Variants in PTGER3 observed in about 807,000 individuals in gnomAD.
PTGER3 encodes the protein prostaglandin E2 receptor EP3 subtype.
PTGER3 carries 22 observed loss-of-function variants against 34.7 expected under a neutral mutation model. That is an observed-to-expected ratio of 0.63 (90% CI 0.45 to 0.91). PTGER3 has a LOEUF of 0.91. Among genes scored for constraint, PTGER3 ranks in the 40% least tolerant of loss-of-function variants. The pLI is 0.00. For synonymous variants in PTGER3, 241 were observed against 230.1 expected, an observed-to-expected ratio of 1.05 and a Z score of -0.43; for missense variants, 468 against 519.4, an observed-to-expected ratio of 0.90 and a Z score of 0.96.
At chr1:71,043,279 G>A (rs3000466) in intron 1 of PTGER3, among the ~76,000 whole-genome samples, 139,849 of 152,288 alleles carry the variant, frequency 0.92, 64,342 homozygotes, top group African/African-American at 0.97. Context: ...AAAACTGTAG[G>A]TCATCTATCA....
intron 4 of PTGER3, among the ~76,000 whole-genome samples, chr1:70,921,467 G>A (rs1264150689): frequency 2.0e-5 from 3 of 152,036 alleles, no homozygotes; most frequent in East Asian, 1.9e-4. Flanking sequence ...ATGGAAAAAA[G>A]GATTTGTGAG....
intron 4 of PTGER3, among the ~76,000 whole-genome samples, chr1:70,878,317 G>A (rs1390714068): frequency 6.6e-6 from 1 of 151,934 alleles, no homozygotes; most frequent in Non-Finnish European, 1.5e-5. Flanking sequence ...CAGTGGTAAA[G>A]TACCCCTGGT....
chr1:70,995,905 A>G (rs1025940298), intron 2 of PTGER3, among the ~76,000 whole-genome samples: 1 of 152,172 alleles, frequency 6.6e-6, no homozygotes, highest in Non-Finnish European at 1.5e-5. Context: ...GGCTTTATAT[A>G]TACGTATTAT....
intron 3 of PTGER3, among the ~76,000 whole-genome samples, 152 bp downstream of exon 3, chr1:70,974,142 ACTC>A (rs1653430426): frequency 6.6e-6 from 1 of 152,106 alleles, no homozygotes; most frequent in Admixed American, 6.6e-5. Context: ...AAAAACAACA[ACTC>A]CTCTAAGGAA....
At chr1:70,939,869 AT>A (rs1410416234) in intron 4 of PTGER3, among the ~76,000 whole-genome samples, 1 of 151,806 alleles carries the variant, frequency 6.6e-6, no homozygotes, top group Admixed American at 6.6e-5. Context: ...GCCTGGAGAC[AT>A]TTTCTCCATT....
At chr1:71,013,714 A>G (rs1042072137) in intron 1 of PTGER3, among the ~76,000 whole-genome samples, 1 of 152,074 alleles carries the variant, frequency 6.6e-6, no homozygotes, top group Non-Finnish European at 1.5e-5. Context: ...AAAAAAAAAA[A>G]AAAAGAAAAC....
intron 4 of PTGER3, among the ~76,000 whole-genome samples, chr1:70,887,982 C>G (rs1015088445): frequency 3.3e-5 from 5 of 152,144 alleles, no homozygotes; most frequent in Admixed American, 1.3e-4. Context: ...GACCAGAAAG[C>G]AATGAAGCAA....
At chr1:70,993,629 G>A (rs1655666003) in intron 2 of PTGER3, among the ~76,000 whole-genome samples, 1 of 152,182 alleles carries the variant, frequency 6.6e-6, no homozygotes, top group East Asian at 1.9e-4. Flanking sequence ...ATGACTGGGA[G>A]GCTGCTCAGG....
intron 3 of PTGER3, among the ~76,000 whole-genome samples, chr1:70,973,228 TA>T (rs112007653): frequency 4.1e-4 from 23 of 56,438 alleles, no homozygotes; most frequent in South Asian, 9.8e-4. Flanking sequence ...AGATGATAGA[TA>T]GATAGATAGA....
At chr1:70,952,309 T>A (rs1054385544), downstream of PTGER3, 2 of 594,062 alleles carry the variant, frequency 3.4e-6, no homozygotes, top group African/African-American at 4.1e-5. Flanking sequence ...AACTTCGTGA[T>A]GGGGTTATGA....
At chr1:71,017,176 A>C (rs892849222) in intron 1 of PTGER3, among the ~76,000 whole-genome samples, 7 of 152,164 alleles carry the variant, frequency 4.6e-5, no homozygotes, top group Admixed American at 4.6e-4. Flanking sequence ...GCGTGGACCC[A>C]ATGTAAAAAC....
At chr1:70,936,508 G>A (rs1427774181) in intron 4 of PTGER3, among the ~76,000 whole-genome samples, 9 of 152,062 alleles carry the variant, frequency 5.9e-5, no homozygotes, top group African/African-American at 1.9e-4. Context: ...GTAAAGTCTG[G>A]ATACTTTACA....
chr1:70,908,838 T>C (rs1395858747), intron 4 of PTGER3, among the ~76,000 whole-genome samples: 1 of 152,206 alleles, frequency 6.6e-6, no homozygotes, highest in Non-Finnish European at 1.5e-5. Flanking sequence ...ATTAAAGCTC[T>C]TTTTCATGTC....
intron 4 of PTGER3, among the ~76,000 whole-genome samples, chr1:70,936,572 A>C (rs1180586897): frequency 6.6e-6 from 1 of 152,196 alleles, no homozygotes. Flanking sequence ...GATCTGACAG[A>C]CATTTTAAAT....
chr1:70,912,301 G>T (rs113516622), intron 4 of PTGER3, among the ~76,000 whole-genome samples: 1,811 of 151,962 alleles, frequency 0.012, 47 homozygotes, highest in African/African-American at 0.042. Context: ...GCAAAATAGA[G>T]AATGTTTCTG....
intron 4 of PTGER3, among the ~76,000 whole-genome samples, chr1:70,920,506 AAAGTT>A (rs1192418049): frequency 6.6e-6 from 1 of 152,208 alleles, no homozygotes; most frequent in African/African-American, 2.4e-5. Flanking sequence ...CAATTTGAAT[AAAGTT>A]ATTAATGATT....
At chr1:71,014,485 A>G (rs760899279) in intron 1 of PTGER3, among the ~76,000 whole-genome samples, 2 of 152,148 alleles carry the variant, frequency 1.3e-5, no homozygotes, top group Non-Finnish European at 2.9e-5. Flanking sequence ...CCTCCCTTCA[A>G]TTTATATGTG....
At chr1:71,041,686 T>C (rs1364306352) in intron 1 of PTGER3, among the ~76,000 whole-genome samples, 1 of 152,202 alleles carries the variant, frequency 6.6e-6, no homozygotes, top group African/African-American at 2.4e-5. Context: ...ACAAACTTCC[T>C]TCCTGTCTTT....
chr1:70,975,821 T>C (rs1300848597), intron 2 of PTGER3, among the ~76,000 whole-genome samples: 1 of 152,108 alleles, frequency 6.6e-6, no homozygotes, highest in Admixed American at 6.5e-5. Context: ...GGAGAACAGG[T>C]TTTTGGGGTC....
Sources: gnomAD v4.1 joint callset for allele counts (sites outside exome capture counted in the v4.1 genomes callset) on GRCh38, gnomAD v4.1.1 for gene constraint, MANE v1.5 for transcripts, NCBI Gene and HGNC (gene_info 2026-07-23, HGNC 2026-07-21) for gene names.